ANKRD7: variants seen among roughly 807,000 people sequenced by gnomAD.
ANKRD7 encodes the protein ankyrin repeat domain-containing protein 7.
In ANKRD7, 30 loss-of-function variants were observed where a neutral mutation model predicts 30.8. The ratio of observed to expected loss-of-function variants is 0.97; its 90% CI spans 0.73 to 1.32. The LOEUF (loss-of-function observed/expected upper bound fraction) is 1.32, where lower values mean the gene tolerates loss of function less well. ANKRD7 is among the 40% of genes most tolerant of loss of function. The pLI is 0.00. For synonymous variants in ANKRD7, 97 were observed against 106.6 expected (o/e 0.91, Z 0.55); for missense variants, 264 against 295.7 (o/e 0.89, Z 0.79).
chr7:118,236,130 T>A lies in ANKRD7; in HGVS notation c.558T>A (p.Ala186=). Residue 186 remains alanine (A), a synonymous_variant, in exon 4 of 7, where the codon GCT becomes GCA. Coordinates refer to ENST00000265224, the MANE Select transcript of ANKRD7 (RefSeq NM_019644.4). ...FLLEKGADVN[A]SDNYQRTALI... ...TGGAGAAAGGGGCTGATGTGAATGC[T>A]TCAGATAATTATCAAAGGTATAATT... 6.3e-7 allele frequency: 1 copy of A among 1,586,952 alleles called. No individual in the cohort carries two copies. Among genetic ancestry groups the A allele is most frequent in the Non-Finnish European group, 8.6e-7 (1 of 1,161,490 alleles).
At chr7:118,226,035 G>T (rs998954826) in intron 1 of ANKRD7, among the ~76,000 whole-genome samples, 1 of 152,174 alleles carries the variant, frequency 6.6e-6, no homozygotes, top group Non-Finnish European at 1.5e-5. Context: ...CCTTGATGCA[G>T]CACAATCAGC....
Position 118,239,930 on chromosome 7 carries a change from C to T in ANKRD7, c.734C>T (p.Ala245Val), listed in dbSNP as rs767500490. Residue 245 changes from alanine to valine, a missense_variant, in exon 6 of 7, where the codon GCG (alanine) becomes GTG (valine). By Grantham distance (64) the Ala-to-Val change is moderately conservative. Transcript: ENST00000265224. ...ATAGATAGATACCCACAATTCACTG[C>T]GAGCCATGGAAAGAAGAAACATGCT... ...VLLHRYPQFT[A>V]SHGKKKHAK 2.5e-5 allele frequency: 40 copies of T among 1,594,488 alleles called. No individual in the cohort carries two copies. In the African/African-American group the frequency reaches 2.5e-4, roughly 10 times the overall value.
rs1809724291 is a variant in ANKRD7, at chr7:118,236,116, G to T, written c.544G>T (p.Ala182Ser). ...GGTAAAATTTCTTCTGGAGAAAGGG[G>T]CTGATGTGAATGCTTCAGATAATTA... ...KMVKFLLEKG[A>S]DVNASDNYQR... The change falls in exon 4 of 7, where the codon GCT (alanine) becomes TCT (serine). Residue 182 changes from alanine to serine, a missense_variant. Coordinates refer to ENST00000265224, the MANE Select transcript of ANKRD7 (RefSeq NM_019644.4). 1 of 1,605,074 alleles carries T rather than the reference G, an allele frequency of 6.2e-7. No homozygotes were observed. Among genetic ancestry groups the T allele is most frequent in the Admixed American group, 1.7e-5 (1 of 59,228 alleles).
intron 1 of ANKRD7, among the ~76,000 whole-genome samples, chr7:118,231,147 G>T (rs964257820): frequency 6.6e-6 from 1 of 151,976 alleles, no homozygotes; most frequent in African/African-American, 2.4e-5. Flanking sequence ...TCAAACTAGA[G>T]CTACTACTCG....
chr7:118,236,884 G>A lies in ANKRD7; in HGVS notation c.670G>A (p.Asp224Asn). The change falls in exon 5 of 7, where the codon GAT becomes AAT. Residue 224 changes from aspartate to asparagine, a missense_variant. Coordinates refer to ENST00000265224, the MANE Select transcript of ANKRD7 (RefSeq NM_019644.4). Reference protein sequence around the residue: ...GVELCYEGIVDSQLRNMFISM... With the variant: ...GVELCYEGIVNSQLRNMFISM... Reference sequence around the variant, plus strand: ...GGAATTATGTTACGAAGGTATTGTGGATTCACAGCTGAGGAATATGTTTAT... The same window carrying A: ...GGAATTATGTTACGAAGGTATTGTGAATTCACAGCTGAGGAATATGTTTAT... 6.2e-7 allele frequency: 1 copy of A among 1,613,980 alleles called. No homozygotes were observed. The highest frequency in any genetic ancestry group is 8.5e-7 in the Non-Finnish European group (1 of 1,179,928).
rs895803323 is a variant in ANKRD7, at chr7:118,232,198, T to C, written c.180-2233T>C. ...CAAATTTTTTTTTTGTTTGTTTGTT[T>C]GTTTTGCTGCTTGCTCCAATTGTGA... is the stretch of plus-strand genomic sequence containing the variant. On this transcript the variant is annotated intron_variant, in intron 1 of 6. Transcript: ENST00000265224. 7.2e-5 allele frequency among the ~76,000 whole-genome samples: 11 copies of C among 152,208 alleles called. No homozygotes were observed. The East Asian group carries it at 2.1e-3, about 29-fold the overall frequency.
chr7:118,228,865 C>G (rs1442971710), intron 1 of ANKRD7, among the ~76,000 whole-genome samples: 4 of 152,178 alleles, frequency 2.6e-5, no homozygotes, highest in Non-Finnish European at 5.9e-5. Context: ...CTTAACTACA[C>G]TTTTCCCTTT....
intron 5 of ANKRD7, among the ~76,000 whole-genome samples, chr7:118,239,040 G>T (rs1002005719): frequency 6.6e-6 from 1 of 152,162 alleles, no homozygotes; most frequent in Non-Finnish European, 1.5e-5. Context: ...AGACACAGGG[G>T]TGCTCATGCT....
At chr7:118,239,747 A>AG in intron 5 of ANKRD7, 162 bp from the exon 6 acceptor site, 1 of 378,450 alleles carries the variant, frequency 2.6e-6, no homozygotes, top group East Asian at 3.8e-5. Context: ...ATGAAATAAA[A>AG]GTGGTGTCTG....
intron 5 of ANKRD7, 124 bp downstream of exon 5, chr7:118,237,050 C>A: frequency 1.0e-6 from 1 of 997,830 alleles, no homozygotes; most frequent in Non-Finnish European, 1.5e-6. Context: ...CAAATCTGTG[C>A]AGGGATTCTT....
At chr7:118,229,186 C>T (rs1010156124) in intron 1 of ANKRD7, among the ~76,000 whole-genome samples, 2 of 151,964 alleles carry the variant, frequency 1.3e-5, no homozygotes, top group African/African-American at 4.8e-5. Flanking sequence ...GTGCTTTTCC[C>T]TCAGATAGTC....
intron 1 of ANKRD7, among the ~76,000 whole-genome samples, chr7:118,226,256 A>G (rs1419751803): frequency 1.3e-5 from 2 of 152,218 alleles, no homozygotes; most frequent in Admixed American, 1.3e-4. Context: ...CAAAACAGGC[A>G]TTTGAACTCG....
At chr7:118,226,984 A>G (rs1175706854) in intron 1 of ANKRD7, among the ~76,000 whole-genome samples, 1 of 152,160 alleles carries the variant, frequency 6.6e-6, no homozygotes, top group Non-Finnish European at 1.5e-5. Flanking sequence ...TAAAGTATTT[A>G]TAGATAGGGA....
chr7:118,225,377 A>AC (rs1383727030), intron 1 of ANKRD7, among the ~76,000 whole-genome samples: 41 of 151,604 alleles, frequency 2.7e-4, no homozygotes, highest in Admixed American at 5.9e-4. Context: ...AATCCCAGCT[A>AC]CTCAGGAGGC....
intron 1 of ANKRD7, chr7:118,228,015 T>G: frequency 7.6e-7 from 1 of 1,307,880 alleles, no homozygotes; most frequent in Non-Finnish European, 1.0e-6. Context: ...TCAATGTGAC[T>G]TCATTCAGGG....
chr7:118,240,839 T>A lies in ANKRD7; in HGVS notation c.*37+841T>A, dbSNP rs907388462. Among the ~76,000 whole-genome samples the A allele has an allele frequency of 3.9e-5, 6 of 152,184 alleles. No homozygotes were observed. In the East Asian group the frequency reaches 1.2e-3, roughly 29 times the overall value. On this transcript the variant is annotated intron_variant, in intron 6 of 6. Transcript: ENST00000265224. ...TTACTGTGCATCAACTAAAATAAAATTTTGTTATTCATTTTCAAGAATATA... is the reference window on the plus strand; with the variant it reads ...TTACTGTGCATCAACTAAAATAAAAATTTGTTATTCATTTTCAAGAATATA...
chr7:118,241,856 T>A (rs931740630), intron 6 of ANKRD7, among the ~76,000 whole-genome samples: 1 of 152,100 alleles, frequency 6.6e-6, no homozygotes, highest in Non-Finnish European at 1.5e-5. Context: ...TTACTCTTAA[T>A]GTATACTCTT....
intron 1 of ANKRD7, among the ~76,000 whole-genome samples, chr7:118,230,598 TG>T (rs902376261): frequency 4.0e-5 from 6 of 151,494 alleles, no homozygotes; most frequent in African/African-American, 7.3e-5. Flanking sequence ...TAAAGCTGAA[TG>T]AAAAAAATCT....
intron 6 of ANKRD7, among the ~76,000 whole-genome samples, chr7:118,242,061 AGTTT>A (rs1241687453): frequency 2.0e-5 from 3 of 152,218 alleles, no homozygotes; most frequent in Non-Finnish European, 4.4e-5. Flanking sequence ...TATTTTGGCA[AGTTT>A]GTTCACAGTT....
Sources: gnomAD v4.1 joint callset for allele counts (sites outside exome capture counted in the v4.1 genomes callset) on GRCh38, gnomAD v4.1.1 for gene constraint, MANE v1.5 for transcripts, NCBI Gene and HGNC (gene_info 2026-07-23, HGNC 2026-07-21) for gene names.